The following PCCA variants were observed in gnomAD, a reference collection of about 807,000 sequenced individuals.
The protein encoded by PCCA is propionyl-CoA carboxylase alpha chain, mitochondrial.
PCCA carries 74 observed loss-of-function variants against 101.3 expected under a neutral mutation model. The observed-to-expected ratio is 0.73, with a 90% CI of 0.61 to 0.89. PCCA has a LOEUF of 0.89. Ranked by LOEUF, PCCA falls within the 40% of genes least tolerant of loss-of-function variation. The pLI is 0.00. For missense variants in PCCA, 891 were observed against 907.0 expected, an observed-to-expected ratio of 0.98 and a Z score of 0.23; for synonymous variants, 294 against 313.6, an observed-to-expected ratio of 0.94 and a Z score of 0.66.
At position 100,359,030 on chromosome 13, in the gene PCCA, G is replaced by A. The variant is rs925388954; in HGVS notation, c.1644-9442G>A. 1.3e-4 allele frequency among the ~76,000 whole-genome samples: 19 copies of A among 149,340 alleles called. No homozygotes were observed. In the East Asian group the frequency reaches 3.3e-3, roughly 26 times the overall value. On this transcript the variant is annotated intron_variant, in intron 18 of 23. Transcript: ENST00000376285. ...GAGAATCACTTGAACCTGGGAGCTG[G>A]AGGAGCTTGCAGTGAGCTGAGATCG...
intron 23 of PCCA, 74 bp from the exon 24 acceptor site, chr13:100,530,024 T>TA: frequency 8.7e-7 from 1 of 1,150,290 alleles, no homozygotes; most frequent in Non-Finnish European, 1.3e-6. Context: ...AGAAATGGAT[T>TA]AGGAGCCTGC....
At chr13:100,436,057 A>G (rs1033868870) in intron 20 of PCCA, among the ~76,000 whole-genome samples, 35 of 151,596 alleles carry the variant, frequency 2.3e-4, no homozygotes, top group East Asian at 1.4e-3. Flanking sequence ...TAAAAAAAAA[A>G]AGAGAGAGAG....
At chr13:100,114,060 A>C (rs1231466119) in intron 4 of PCCA, among the ~76,000 whole-genome samples, 2 of 152,176 alleles carry the variant, frequency 1.3e-5, no homozygotes, top group Non-Finnish European at 2.9e-5. Context: ...TGCACACATT[A>C]GCCTAGACCT....
intron 21 of PCCA, among the ~76,000 whole-genome samples, chr13:100,503,495 C>T (rs113860767): frequency 6.6e-6 from 1 of 151,522 alleles, no homozygotes; most frequent in Non-Finnish European, 1.5e-5. Context: ...CATCCCCCCC[C>T]AAAAAAGAAA....
intron 21 of PCCA, among the ~76,000 whole-genome samples, chr13:100,479,139 T>TG (rs1470844817): frequency 5.3e-5 from 8 of 152,292 alleles, no homozygotes; most frequent in African/African-American, 1.9e-4. Flanking sequence ...CTTTATATAC[T>TG]GGGAAAAAAG....
chr13:100,364,724 C>T (rs1428630169), intron 18 of PCCA, among the ~76,000 whole-genome samples: 1 of 152,116 alleles, frequency 6.6e-6, no homozygotes, highest in African/African-American at 2.4e-5. Flanking sequence ...AAGCCTTTTT[C>T]CTATATCCTG....
intron 19 of PCCA, among the ~76,000 whole-genome samples, chr13:100,390,838 C>T (rs796579686): frequency 2.2e-4 from 33 of 152,178 alleles, no homozygotes; most frequent in African/African-American, 5.5e-4. Flanking sequence ...TTGAGATATG[C>T]GGACAAGTGG....
intron 10 of PCCA, 188 bp from the exon 11 acceptor site, chr13:100,268,501 A>C: frequency 1.5e-6 from 1 of 661,570 alleles, no homozygotes; most frequent in Non-Finnish European, 2.7e-6. Context: ...AAAATGTTTT[A>C]TTGAGCTTTG....
chr13:100,288,615 C>T (rs1196592606), intron 12 of PCCA, among the ~76,000 whole-genome samples: 2 of 152,216 alleles, frequency 1.3e-5, no homozygotes, highest in African/African-American at 4.8e-5. Flanking sequence ...GTAGTTTACA[C>T]TAGGGTTGCT....
intron 22 of PCCA, among the ~76,000 whole-genome samples, chr13:100,522,848 G>A (rs994641080): frequency 1.3e-5 from 2 of 152,204 alleles, no homozygotes; most frequent in Non-Finnish European, 2.9e-5. Flanking sequence ...ATGGAATACT[G>A]TGCAGTCATC....
At chr13:100,186,923 A>T (rs1427489517) in intron 6 of PCCA, among the ~76,000 whole-genome samples, 1 of 152,196 alleles carries the variant, frequency 6.6e-6, no homozygotes, top group African/African-American at 2.4e-5. Context: ...TGAAGGAATT[A>T]TTTTCAGAAT....
chr13:100,372,397 A>G (rs545689831), intron 19 of PCCA, among the ~76,000 whole-genome samples: 40 of 152,282 alleles, frequency 2.6e-4, no homozygotes, highest in African/African-American at 9.1e-4. Flanking sequence ...AGTAGATAAC[A>G]TAGGGGAAAA....
intron 6 of PCCA, among the ~76,000 whole-genome samples, chr13:100,193,843 G>A (rs2057906973): frequency 6.6e-6 from 1 of 152,144 alleles, no homozygotes; most frequent in Admixed American, 6.6e-5. Context: ...ACTTTGGGAG[G>A]CCAAGGCAGG....
chr13:100,341,040 A>G (rs1040458223), intron 18 of PCCA, among the ~76,000 whole-genome samples: 1 of 152,232 alleles, frequency 6.6e-6, no homozygotes, highest in African/African-American at 2.4e-5. Context: ...AATTGGATTT[A>G]GGCTGTATCT....
intron 9 of PCCA, among the ~76,000 whole-genome samples, chr13:100,258,497 C>T (rs1255967401): frequency 6.6e-6 from 1 of 152,162 alleles, no homozygotes; most frequent in African/African-American, 2.4e-5. Flanking sequence ...ATTTTTTTCT[C>T]ATTGTTTTTC....
At chr13:100,235,260 GA>G (rs1195999177) in intron 7 of PCCA, among the ~76,000 whole-genome samples, 5 of 137,202 alleles carry the variant, frequency 3.6e-5, no homozygotes, top group Admixed American at 2.3e-4. Context: ...TACAATTGTA[GA>G]GATAAAATAT....
intron 8 of PCCA, among the ~76,000 whole-genome samples, chr13:100,252,779 C>G (rs2061839342): frequency 6.6e-6 from 1 of 152,186 alleles, no homozygotes; most frequent in African/African-American, 2.4e-5. Flanking sequence ...GTCGCTAACT[C>G]TAGTCTTTGT....
chr13:100,427,447 G>A (rs2079231715), intron 20 of PCCA, among the ~76,000 whole-genome samples: 1 of 152,150 alleles, frequency 6.6e-6, no homozygotes, highest in Admixed American at 6.5e-5. Context: ...TAGTTGTCTT[G>A]ATGGCACTTT....
At chr13:100,152,521 A>G (rs2053457924) in intron 4 of PCCA, among the ~76,000 whole-genome samples, 2 of 152,028 alleles carry the variant, frequency 1.3e-5, no homozygotes, top group South Asian at 4.2e-4. Context: ...ATCTCGGCTC[A>G]CTGCAAGCTC....
Sources: gnomAD v4.1 joint callset for allele counts (sites outside exome capture counted in the v4.1 genomes callset) on GRCh38, gnomAD v4.1.1 for gene constraint, MANE v1.5 for transcripts, NCBI Gene and HGNC (gene_info 2026-07-23, HGNC 2026-07-21) for gene names.